Variants in ADAM12 observed in about 807,000 individuals in gnomAD.
ADAM12 encodes ADAM metallopeptidase domain 12, also known as disintegrin and metalloproteinase domain-containing protein 12.
Under a neutral mutation model 106.4 loss-of-function variants are expected in ADAM12, and 70 were observed. The observed-to-expected ratio is 0.66, with a 90% CI of 0.54 to 0.80. The LOEUF (loss-of-function observed/expected upper bound fraction) is 0.80, where lower values mean the gene tolerates loss of function less well. ADAM12 is among the 30% of genes least tolerant of loss of function. ADAM12 has a pLI of 0.00. For missense variants in ADAM12, 1,010 were observed against 1,171.9 expected (o/e 0.86, Z 2.02); for synonymous variants, 420 against 433.5 (o/e 0.97, Z 0.39).
intron 3 of ADAM12, among the ~76,000 whole-genome samples, chr10:126,248,131 C>T (rs1958665244): frequency 6.6e-6 from 1 of 152,180 alleles, no homozygotes; most frequent in Non-Finnish European, 1.5e-5. Flanking sequence ...TCAGTGTCCT[C>T]ATCTGCAGAT....
intron 3 of ADAM12, among the ~76,000 whole-genome samples, chr10:126,180,562 T>C (rs12766940): frequency 0.22 from 33,557 of 152,182 alleles, 4,422 homozygotes; most frequent in Middle Eastern, 0.31. Context: ...TATGCATCTT[T>C]TATTTTTTCT....
At chr10:126,137,502 C>T (rs575691534) in intron 4 of ADAM12, among the ~76,000 whole-genome samples, 4 of 152,322 alleles carry the variant, frequency 2.6e-5, no homozygotes, top group African/African-American at 9.6e-5. Flanking sequence ...ACATTTCTGT[C>T]ACCTCAGAAA....
chr10:126,386,592 T>A (rs1242170777), intron 1 of ADAM12, among the ~76,000 whole-genome samples: 1 of 152,070 alleles, frequency 6.6e-6, no homozygotes, highest in Non-Finnish European at 1.5e-5. Flanking sequence ...GCTGAACTCA[T>A]AAAATAGTAA....
chr10:126,355,402 C>A (rs372531116), intron 1 of ADAM12, among the ~76,000 whole-genome samples: 1 of 152,310 alleles, frequency 6.6e-6, no homozygotes, highest in African/African-American at 2.4e-5. Flanking sequence ...TGGCCCCAGG[C>A]TTTACTATCA....
intron 5 of ADAM12, among the ~76,000 whole-genome samples, chr10:126,123,737 C>G (rs1209795279): frequency 6.6e-6 from 1 of 152,160 alleles, no homozygotes; most frequent in South Asian, 2.1e-4. Flanking sequence ...ACCCCACACT[C>G]GCCTGCTTCC....
chr10:126,318,066 T>C (rs1215065619), intron 2 of ADAM12, among the ~76,000 whole-genome samples: 1 of 152,120 alleles, frequency 6.6e-6, no homozygotes, highest in Non-Finnish European at 1.5e-5. Flanking sequence ...GCCTATCTAG[T>C]ACCTAGAGTC....
intron 3 of ADAM12, among the ~76,000 whole-genome samples, chr10:126,165,628 T>A (rs1161782342): frequency 6.6e-6 from 1 of 152,100 alleles, no homozygotes; most frequent in African/African-American, 2.4e-5. Flanking sequence ...TCTATTTAGC[T>A]CCAAAGACCA....
chr10:126,253,700 G>C (rs1958832052), intron 3 of ADAM12, among the ~76,000 whole-genome samples: 1 of 152,092 alleles, frequency 6.6e-6, no homozygotes, highest in Non-Finnish European at 1.5e-5. Context: ...GTTGGGTGGG[G>C]GGAGGGCTTC....
At chr10:126,326,110 C>T (rs776508276) in intron 2 of ADAM12, among the ~76,000 whole-genome samples, 11 of 152,198 alleles carry the variant, frequency 7.2e-5, no homozygotes, top group Non-Finnish European at 1.5e-4. Context: ...CTAAATCAGC[C>T]GAATCGACTT....
At chr10:126,381,982 A>T (rs1168861424) in intron 1 of ADAM12, among the ~76,000 whole-genome samples, 1 of 151,978 alleles carries the variant, frequency 6.6e-6, no homozygotes, top group Non-Finnish European at 1.5e-5. Context: ...CTCAAAAAAA[A>T]AAAAACAATA....
chr10:126,249,176 C>G (rs1958692985), intron 3 of ADAM12, among the ~76,000 whole-genome samples: 1 of 152,168 alleles, frequency 6.6e-6, no homozygotes, highest in Non-Finnish European at 1.5e-5. Context: ...ATGTTCTCAT[C>G]CTCTCTTTCT....
At chr10:126,040,202 G>A (rs781107759) in intron 18 of ADAM12, among the ~76,000 whole-genome samples, 10 of 152,178 alleles carry the variant, frequency 6.6e-5, no homozygotes, top group Non-Finnish European at 1.2e-4. Flanking sequence ...GCGGCTGTCT[G>A]GGAAGGACTC....
intron 11 of ADAM12, among the ~76,000 whole-genome samples, chr10:126,081,642 T>C (rs1337420739): frequency 6.6e-6 from 1 of 152,206 alleles, no homozygotes; most frequent in Non-Finnish European, 1.5e-5. Flanking sequence ...CTATCTGTAC[T>C]TCATTGAGCC....
intron 11 of ADAM12, among the ~76,000 whole-genome samples, chr10:126,075,681 C>T (rs562567493): frequency 5.3e-5 from 8 of 152,280 alleles, no homozygotes; most frequent in South Asian, 2.1e-4. Context: ...GAGTGCACCT[C>T]GGGAAAGAGC....
At chr10:126,233,358 G>A (rs1307483859) in intron 3 of ADAM12, among the ~76,000 whole-genome samples, 4 of 152,268 alleles carry the variant, frequency 2.6e-5, no homozygotes, top group East Asian at 1.9e-4. Context: ...GGACTGTGCC[G>A]GATACAGTGG....
In ADAM12 at chr10:126,246,902, T is replaced by C. The variant is rs1413153777; in HGVS notation, c.260+32013A>G. On this transcript the variant is annotated intron_variant, in intron 3 of 22. Coordinates refer to ENST00000448723, the MANE Select transcript of ADAM12 (RefSeq NM_001288973.2). ...GGCAGGGCAATCAGGCAAGAGAAAGTATTAAAGGGCATCCAAATACGAAGA... is the reference window on the plus strand; with the variant it reads ...GGCAGGGCAATCAGGCAAGAGAAAGCATTAAAGGGCATCCAAATACGAAGA... 2.0e-5 allele frequency among the ~76,000 whole-genome samples: 3 copies of C among 152,176 alleles called. No individual in the cohort carries two copies. The East Asian group carries it at 5.8e-4, about 29-fold the overall frequency.
intron 2 of ADAM12, among the ~76,000 whole-genome samples, chr10:126,318,911 G>A (rs948266570): frequency 6.6e-6 from 1 of 152,146 alleles, no homozygotes; most frequent in African/African-American, 2.4e-5. Context: ...AGGCAAGAGA[G>A]CATGTTCAGG....
intron 17 of ADAM12, among the ~76,000 whole-genome samples, chr10:126,044,599 T>C (rs1030579914): frequency 5.9e-5 from 9 of 152,232 alleles, no homozygotes; most frequent in Non-Finnish European, 1.3e-4. Context: ...GGCTGCCAGA[T>C]ATACAGTTTC....
intron 18 of ADAM12, among the ~76,000 whole-genome samples, chr10:126,039,932 G>A (rs1954130089): frequency 6.6e-6 from 1 of 152,194 alleles, no homozygotes; most frequent in Non-Finnish European, 1.5e-5. Context: ...ACATCTCAAA[G>A]TAGATAGTGA....
Sources: gnomAD v4.1 joint callset for allele counts (sites outside exome capture counted in the v4.1 genomes callset) on GRCh38, gnomAD v4.1.1 for gene constraint, MANE v1.5 for transcripts, NCBI Gene and HGNC (gene_info 2026-07-23, HGNC 2026-07-21) for gene names.